The following PAXBP1 variants were observed in gnomAD, a reference collection of about 807,000 sequenced individuals.
PAXBP1 encodes PAX3- and PAX7-binding protein 1.
PAXBP1 carries 44 observed loss-of-function variants against 119.9 expected under a neutral mutation model. That is an observed-to-expected ratio of 0.37 (90% CI 0.29 to 0.47). PAXBP1 has a LOEUF of 0.47. Ranked by LOEUF, PAXBP1 falls within the 20% of genes least tolerant of loss-of-function variation. The probability of loss-of-function intolerance (pLI) is 0.99; values close to 1 mark genes in which losing one functional copy is unlikely to be tolerated. For synonymous variants in PAXBP1, 393 were observed against 406.6 expected, an observed-to-expected ratio of 0.97 and a Z score of 0.40; for missense variants, 898 against 1,134.1, an observed-to-expected ratio of 0.79 and a Z score of 2.99.
At chr21:32,743,031 A>G in intron 15 of PAXBP1, 1 of 650,142 alleles carries the variant, frequency 1.5e-6, no homozygotes, top group Non-Finnish European at 2.9e-6. Flanking sequence ...GTTGAGTACG[A>G]TGGACCTTAC....
intron 11 of PAXBP1, among the ~76,000 whole-genome samples, chr21:32,746,474 A>T (rs2043873754): frequency 6.6e-6 from 1 of 152,248 alleles, no homozygotes; most frequent in Non-Finnish European, 1.5e-5. Flanking sequence ...AAAAGAAGAC[A>T]TTCATGTAGC....
At chr21:32,742,541 C>T (rs1293527135) in intron 15 of PAXBP1, 1 of 152,578 alleles carries the variant, frequency 6.6e-6, no homozygotes, top group Non-Finnish European at 1.5e-5. Context: ...TCATATGTTC[C>T]ACATTACCTT....
At chr21:32,738,831 C>CCCCAT (rs2146466030) in intron 15 of PAXBP1, among the ~76,000 whole-genome samples, 1 of 152,240 alleles carries the variant, frequency 6.6e-6, no homozygotes, top group African/African-American at 2.4e-5. Context: ...AAAATGAAAG[C>CCCCAT]CCCATCCCAT....
intron 17 of PAXBP1, 138 bp from the exon 18 acceptor site, chr21:32,735,205 C>A: frequency 1.6e-6 from 1 of 624,370 alleles, no homozygotes; most frequent in Admixed American, 3.0e-5. Flanking sequence ...AACAGATATG[C>A]AAGCTACAGC....
intron 2 of PAXBP1, among the ~76,000 whole-genome samples, chr21:32,766,858 G>A (rs375308641): frequency 3.6e-4 from 55 of 152,310 alleles, no homozygotes; most frequent in Non-Finnish European, 6.9e-4. Flanking sequence ...CTTGCCAATA[G>A]CCCCTCCTTG....
chr21:32,734,436 C>G lies in PAXBP1; in HGVS notation c.*514G>C, dbSNP rs2043663974. ...CTCAACTCTCAATGTTAAGGCAGCA[C>G]AGCTACAGTGATAGCAACGCTAACC... On this transcript the variant is annotated 3_prime_UTR_variant, in exon 18 of 18. Transcript: ENST00000331923. 1 of 158,910 alleles carries G rather than the reference C, an allele frequency of 6.3e-6. No individual in the cohort carries two copies. The highest frequency in any genetic ancestry group is 2.4e-5 in the African/African-American group (1 of 41,486). 9.8% of individuals were successfully genotyped at this position (158,910 alleles called of 1,614,324 possible). A position where few individuals can be genotyped will look rare whatever the true frequency, so the allele number is the denominator to read the frequency against.
At position 32,737,283 on chromosome 21, in the gene PAXBP1, C is replaced by A. The variant is rs370603447; in HGVS notation, c.2607G>T (p.Gly869=). The A allele has an allele frequency of 8.7e-5, 136 of 1,571,642 alleles. No individual in the cohort carries two copies. Among genetic ancestry groups the A allele is most frequent in the Non-Finnish European group, 1.0e-4 (120 of 1,157,170 alleles). Residue 869 remains glycine, a synonymous_variant, in exon 17 of 18, where the codon GGG becomes GGT. Transcript: ENST00000331923. ...CATTTCTTTTTTCCACATCAGAACA[C>A]CCGATACTATTTCTATAAATTGTAT... ...LADTIYRNSI[G]CSDVEKRNAR...
At chr21:32,766,804 C>T (rs2044249114) in intron 2 of PAXBP1, among the ~76,000 whole-genome samples, 1 of 152,226 alleles carries the variant, frequency 6.6e-6, no homozygotes, top group Admixed American at 6.5e-5. Context: ...GTGGGCCACT[C>T]CCATCCATCC....
At chr21:32,770,579 T>C (rs1227914929) in intron 1 of PAXBP1, among the ~76,000 whole-genome samples, 4 of 152,208 alleles carry the variant, frequency 2.6e-5, no homozygotes, top group African/African-American at 9.7e-5. Flanking sequence ...TCTTTTTTCG[T>C]AACATGGAAT....
At chr21:32,760,932 TGTCTC>T (rs1038528743) in intron 5 of PAXBP1, 122 bp downstream of exon 5, 32 of 661,684 alleles carry the variant, frequency 4.8e-5, no homozygotes, top group Non-Finnish European at 7.6e-5. Flanking sequence ...TGTGTGTGTG[TGTCTC>T]CTCATGGGAT....
intron 15 of PAXBP1, among the ~76,000 whole-genome samples, chr21:32,738,948 T>C (rs1466220091): frequency 1.3e-5 from 2 of 152,154 alleles, no homozygotes; most frequent in African/African-American, 4.8e-5. Flanking sequence ...TCCTGACCTC[T>C]CTCTCAAGTT....
chr21:32,766,108 C>A (rs2044237442), intron 2 of PAXBP1, among the ~76,000 whole-genome samples: 1 of 152,180 alleles, frequency 6.6e-6, no homozygotes, highest in African/African-American at 2.4e-5. Flanking sequence ...GCACTCCAGC[C>A]TGAGCAACAG....
Position 32,748,744 on chromosome 21 carries a change from T to C in PAXBP1, c.1724-46A>G, listed in dbSNP as rs539334739. On this transcript the variant is annotated intron_variant, in intron 10 of 17. Coordinates refer to ENST00000331923, the MANE Select transcript of PAXBP1 (RefSeq NM_016631.4). ...CAGAGAACCATACATTAGTATGAAG[T>C]AGGAAAAAAACAGTCCAATATTTTC... is the stretch of plus-strand genomic sequence containing the variant. 11 of 1,525,406 alleles carry C rather than the reference T, an allele frequency of 7.2e-6. No homozygotes were observed. In the East Asian group the frequency reaches 1.1e-4, roughly 16 times the overall value. The allele number at this position is 1,525,406 out of a possible 1,614,324, so 94.5% of individuals were successfully genotyped here.
intron 14 of PAXBP1, 125 bp from the exon 15 acceptor site, chr21:32,743,439 T>C (rs1432499636): frequency 1.4e-6 from 1 of 740,514 alleles, no homozygotes; most frequent in African/African-American, 1.8e-5. Context: ...TTTCAAATAA[T>C]TGCATTCTGG....
At chr21:32,736,193 T>C (rs908874181) in intron 17 of PAXBP1, among the ~76,000 whole-genome samples, 10 of 152,150 alleles carry the variant, frequency 6.6e-5, no homozygotes, top group Admixed American at 6.5e-5. Context: ...AAAATCTTTT[T>C]TGTTGTTGTT....
chr21:32,764,518 T>G lies in PAXBP1; in HGVS notation c.479A>C (p.Gln160Pro). 6.3e-7 allele frequency: 1 copy of G among 1,584,758 alleles called. No individual in the cohort carries two copies. The highest frequency in any genetic ancestry group is 8.6e-7 in the Non-Finnish European group (1 of 1,168,120). Reference protein sequence around the residue: ...TELNSSAESEQPLDKTGHVKD... With the variant: ...TELNSSAESEPPLDKTGHVKD... ...AACATGTCCTGTTTTGTCCAAAGGT[T>G]GTTCACCTAAATTTTTGAAGAATTA... Residue 160 changes from glutamine (Q) to proline (P), a missense_variant, in exon 3 of 18, where the codon CAA becomes CCA. By Grantham distance (76) the Gln-to-Pro change is moderately conservative. This residue lies in a region of PAXBP1 where 299 missense variants were observed against 281.4 expected (regional missense o/e 1.06). Coordinates refer to ENST00000331923, the MANE Select transcript of PAXBP1 (RefSeq NM_016631.4).
At position 32,744,880 on chromosome 21, in the gene PAXBP1, G is replaced by A; in HGVS notation, c.2102C>T (p.Thr701Ile). The change falls in exon 13 of 18, where the codon ACA (threonine) becomes ATA (isoleucine). Residue 701 changes from threonine to isoleucine, a missense_variant. By Grantham distance (89) the Thr-to-Ile change is moderately conservative. Around this residue, in one of 2 missense-constraint regions of PAXBP1, gnomAD observed 599 missense variants for 852.7 expected, o/e 0.70. Coordinates refer to ENST00000331923, the MANE Select transcript of PAXBP1 (RefSeq NM_016631.4). ...TCCCACCATTCTTGAAGTCTGTGTT[G>A]TAGAAAAAGGGTCCCACATATTTTC... ...IAENMWDPFSTTQTSRMVGIT... is the reference protein window; with the variant it reads ...IAENMWDPFSITQTSRMVGIT... 2 of 1,603,638 alleles carry A rather than the reference G, an allele frequency of 1.2e-6. No homozygotes were observed. Among genetic ancestry groups the A allele is most frequent in the Non-Finnish European group, 1.7e-6 (2 of 1,176,232 alleles).
chr21:32,764,122 G>C (rs1238506503), intron 3 of PAXBP1, among the ~76,000 whole-genome samples: 1 of 151,900 alleles, frequency 6.6e-6, no homozygotes, highest in African/African-American at 2.4e-5. Context: ...TTTACTTGAA[G>C]ACTTATTTGC....
chr21:32,737,703 T>A (rs899091365), intron 16 of PAXBP1, among the ~76,000 whole-genome samples: 1 of 152,182 alleles, frequency 6.6e-6, no homozygotes, highest in Non-Finnish European at 1.5e-5. Context: ...TTTTCCAGTC[T>A]TCTAGGATGG....
Sources: allele counts gnomAD v4.1 joint callset (sites outside exome capture counted in the v4.1 genomes callset), GRCh38; gene constraint gnomAD v4.1.1; regional missense constraint gnomAD v4.1.1; transcripts MANE v1.5; gene names NCBI Gene and HGNC (gene_info 2026-07-23, HGNC 2026-07-21).